NCAM2: variants seen among roughly 807,000 people sequenced by gnomAD.
NCAM2 encodes N-CAM-2.
NCAM2 carries 30 observed loss-of-function variants against 98.1 expected under a neutral mutation model. The ratio of observed to expected loss-of-function variants is 0.31; its 90% CI spans 0.23 to 0.41. The LOEUF (loss-of-function observed/expected upper bound fraction) is 0.41. Among genes scored for constraint, NCAM2 ranks in the 10% least tolerant of loss-of-function variants. NCAM2 has a pLI of 1.00. For synonymous variants in NCAM2, 368 were observed against 342.4 expected, an observed-to-expected ratio of 1.07 and a Z score of -0.83; for missense variants, 867 against 1,005.8, an observed-to-expected ratio of 0.86 and a Z score of 1.87.
At chr21:21,406,372 G>T (rs1364219992) in intron 9 of NCAM2, among the ~76,000 whole-genome samples, 3 of 152,146 alleles carry the variant, frequency 2.0e-5, no homozygotes, top group Admixed American at 6.6e-5. Context: ...CCACAATTGT[G>T]TTGAATGAAG....
At chr21:21,274,096 G>GC (rs1247053651) in intron 1 of NCAM2, among the ~76,000 whole-genome samples, 11 of 151,944 alleles carry the variant, frequency 7.2e-5, no homozygotes, top group Admixed American at 1.3e-4. Context: ...AAGCCCGGAA[G>GC]CTGAGGTGTG....
chr21:21,425,461 T>A (rs2077197173), intron 11 of NCAM2, among the ~76,000 whole-genome samples: 3 of 152,154 alleles, frequency 2.0e-5, no homozygotes, highest in African/African-American at 7.2e-5. Flanking sequence ...GTACTAAAGA[T>A]AAGTGAATCT....
At chr21:21,416,985 T>G (rs1267516788) in intron 10 of NCAM2, among the ~76,000 whole-genome samples, 2 of 152,086 alleles carry the variant, frequency 1.3e-5, no homozygotes, top group Admixed American at 1.3e-4. Flanking sequence ...TTATTTAAGA[T>G]GAACTTTTAT....
intron 9 of NCAM2, among the ~76,000 whole-genome samples, chr21:21,409,733 G>C (rs556355544): frequency 6.6e-6 from 1 of 152,276 alleles, no homozygotes; most frequent in East Asian, 1.9e-4. Context: ...GGTAATTTAT[G>C]AGTGTATGTT....
At chr21:21,247,655 TAG>T (rs1214839858) in intron 1 of NCAM2, among the ~76,000 whole-genome samples, 2 of 152,188 alleles carry the variant, frequency 1.3e-5, no homozygotes, top group Non-Finnish European at 2.9e-5. Context: ...TTGCTTTAGA[TAG>T]AGTCATATTT....
chr21:21,347,237 A>C (rs1319330127), intron 8 of NCAM2, among the ~76,000 whole-genome samples: 1 of 151,970 alleles, frequency 6.6e-6, no homozygotes, highest in Non-Finnish European at 1.5e-5. Flanking sequence ...AATCTAGAAG[A>C]AATAGACGAA....
intron 9 of NCAM2, among the ~76,000 whole-genome samples, chr21:21,387,828 C>CTTTATTTATATTTTATTTATATTTT (rs1284524908): frequency 2.6e-5 from 4 of 151,890 alleles, no homozygotes; most frequent in African/African-American, 7.3e-5. Flanking sequence ...GCAAGAGAAA[C>CTTTATTTATATTTTATTTATATTTT]CAATGACTTT....
chr21:21,003,090 C>A (rs1424415814), intron 1 of NCAM2, among the ~76,000 whole-genome samples: 1 of 152,038 alleles, frequency 6.6e-6, no homozygotes, highest in Non-Finnish European at 1.5e-5. Context: ...TAACAATTTA[C>A]AGTTATAATA....
intron 16 of NCAM2, among the ~76,000 whole-genome samples, chr21:21,519,025 T>G (rs1988866850): frequency 6.6e-6 from 1 of 152,070 alleles, no homozygotes. Flanking sequence ...CAGAACATTC[T>G]AGGCAGGTGT....
At chr21:21,315,856 A>G (rs1228145686) in intron 5 of NCAM2, among the ~76,000 whole-genome samples, 1 of 152,210 alleles carries the variant, frequency 6.6e-6, no homozygotes. Flanking sequence ...TACATATTCT[A>G]TCCAAATATA....
At chr21:21,244,730 C>T (rs528378789) in intron 1 of NCAM2, among the ~76,000 whole-genome samples, 50 of 151,146 alleles carry the variant, frequency 3.3e-4, no homozygotes, top group Admixed American at 8.6e-4. Context: ...GCCTGTAATC[C>T]CAGGTACTCA....
rs565077222 is a variant in NCAM2, at chr21:21,480,944, G to T, written c.2077+3473G>T. Among the ~76,000 whole-genome samples, 11 of 152,318 alleles carry T rather than the reference G, an allele frequency of 7.2e-5. No individual in the cohort carries two copies. The South Asian group carries it at 1.9e-3, about 26-fold the overall frequency. ...CTTGGAGAATGAGGATCAAACATCA[G>T]ATCCATTTAGTATTTGTTAAATTTG... On this transcript the variant is annotated intron_variant, in intron 15 of 17. Coordinates refer to ENST00000400546, the MANE Select transcript of NCAM2 (RefSeq NM_004540.5).
intron 5 of NCAM2, among the ~76,000 whole-genome samples, chr21:21,306,133 T>G (rs1279524496): frequency 2.0e-5 from 3 of 152,154 alleles, no homozygotes; most frequent in Non-Finnish European, 4.4e-5. Context: ...AGTATATTCC[T>G]GATGCACTTA....
chr21:21,065,552 G>A (rs998422173), intron 1 of NCAM2, among the ~76,000 whole-genome samples: 4 of 152,026 alleles, frequency 2.6e-5, no homozygotes, highest in Admixed American at 6.5e-5. Flanking sequence ...TCTTCTTTAC[G>A]TTGTGTTTTT....
intron 1 of NCAM2, among the ~76,000 whole-genome samples, chr21:21,063,295 T>A (rs1201583352): frequency 7.4e-6 from 1 of 135,500 alleles, no homozygotes; most frequent in Non-Finnish European, 1.5e-5. Flanking sequence ...CTGGGCTCAC[T>A]GCAACCTCTG....
chr21:21,490,405 T>C (rs1481306453), intron 15 of NCAM2, among the ~76,000 whole-genome samples: 2 of 151,936 alleles, frequency 1.3e-5, no homozygotes, highest in Non-Finnish European at 2.9e-5. Flanking sequence ...TAATCTAATA[T>C]TGGTTGTATT....
chr21:21,199,095 C>G (rs776986843), intron 1 of NCAM2, among the ~76,000 whole-genome samples: 2 of 152,140 alleles, frequency 1.3e-5, no homozygotes, highest in Non-Finnish European at 2.9e-5. Flanking sequence ...TGTGACCACT[C>G]TACATTTCGA....
At chr21:21,021,555 A>T (rs1601114697) in intron 1 of NCAM2, among the ~76,000 whole-genome samples, 1 of 152,192 alleles carries the variant, frequency 6.6e-6, no homozygotes, top group African/African-American at 2.4e-5. Flanking sequence ...GGTGATTGTT[A>T]TGTTTATAAA....
chr21:21,467,495 A>C (rs1110727), intron 13 of NCAM2, among the ~76,000 whole-genome samples: 78,008 of 148,526 alleles, frequency 0.53, 21,440 homozygotes, highest in African/African-American at 0.59. Context: ...GTATCTCTCT[A>C]TTGGTAATCA....
Sources: allele counts gnomAD v4.1 joint callset (sites outside exome capture counted in the v4.1 genomes callset), GRCh38; gene constraint gnomAD v4.1.1; transcripts MANE v1.5; gene names NCBI Gene and HGNC (gene_info 2026-07-23, HGNC 2026-07-21).